The following FAT3 variants were observed in gnomAD, a reference collection of about 807,000 sequenced individuals.
The protein encoded by FAT3 is FAT atypical cadherin 3.
A neutral mutation model predicts 310.2 loss-of-function variants in FAT3; 95 were observed. That is an observed-to-expected ratio of 0.31 (90% CI 0.26 to 0.36). FAT3 has a LOEUF of 0.36. FAT3 is among the 10% of genes least tolerant of loss of function. The pLI is 1.00. For missense variants in FAT3, 5,408 were observed against 5,715.6 expected, an observed-to-expected ratio of 0.95 and a Z score of 1.74; for synonymous variants, 2,314 against 2,192.9, an observed-to-expected ratio of 1.06 and a Z score of -1.54.
At chr11:92,412,053 T>C (rs1342412823) in intron 2 of FAT3, among the ~76,000 whole-genome samples, 3 of 152,118 alleles carry the variant, frequency 2.0e-5, no homozygotes, top group Admixed American at 1.3e-4. Flanking sequence ...TGTGTTGATA[T>C]CTTTACCTCT....
chr11:92,721,879 A>G (rs1944870840), intron 4 of FAT3, among the ~76,000 whole-genome samples: 1 of 152,108 alleles, frequency 6.6e-6, no homozygotes, highest in South Asian at 2.1e-4. Flanking sequence ...ATCAGATCCC[A>G]TGAAACTTAT....
intron 7 of FAT3, among the ~76,000 whole-genome samples, chr11:92,781,237 C>G (rs1436212435): frequency 1.7e-4 from 26 of 151,730 alleles, no homozygotes; most frequent in Admixed American, 1.7e-3. Flanking sequence ...TGCATGCCAC[C>G]ACGCCCGGCT....
At chr11:92,680,898 T>C (rs1214989648) in intron 3 of FAT3, among the ~76,000 whole-genome samples, 1 of 152,226 alleles carries the variant, frequency 6.6e-6, no homozygotes, top group African/African-American at 2.4e-5. Context: ...ACTGTCCTTC[T>C]TGCTAGTTCC....
At chr11:92,671,615 G>C (rs1279479390) in intron 3 of FAT3, among the ~76,000 whole-genome samples, 1 of 151,888 alleles carries the variant, frequency 6.6e-6, no homozygotes, top group Non-Finnish European at 1.5e-5. Flanking sequence ...GCATTCACTA[G>C]TTTTCCTTCA....
chr11:92,752,705 A>G (rs1313873161), intron 4 of FAT3, among the ~76,000 whole-genome samples: 3 of 152,198 alleles, frequency 2.0e-5, no homozygotes, highest in Non-Finnish European at 4.4e-5. Flanking sequence ...GCTTTAATTC[A>G]TTGATATCAC....
intron 3 of FAT3, among the ~76,000 whole-genome samples, chr11:92,574,060 C>T (rs1938334928): frequency 6.6e-6 from 1 of 152,042 alleles, no homozygotes; most frequent in South Asian, 2.1e-4. Flanking sequence ...TGACATGCAT[C>T]GAAATATCAC....
At chr11:92,377,887 G>A (rs751616396) in intron 2 of FAT3, among the ~76,000 whole-genome samples, 3 of 152,154 alleles carry the variant, frequency 2.0e-5, no homozygotes, top group Non-Finnish European at 4.4e-5. Flanking sequence ...CACGTTTTCT[G>A]GGCATCAGCT....
intron 1 of FAT3, among the ~76,000 whole-genome samples, chr11:92,300,341 T>C (rs1306072738): frequency 6.6e-6 from 1 of 152,026 alleles, no homozygotes; most frequent in East Asian, 1.9e-4. Context: ...CCTGTGAGAG[T>C]TTGGGTGTGC....
chr11:92,367,544 TC>T (rs1379003433), intron 2 of FAT3, among the ~76,000 whole-genome samples: 2 of 152,106 alleles, frequency 1.3e-5, no homozygotes, highest in African/African-American at 4.8e-5. Flanking sequence ...CATGGGAAGT[TC>T]ACTTAAGCCT....
At position 92,565,398 on chromosome 11, in the gene FAT3, G is replaced by A. The variant is rs1362138238; in HGVS notation, c.3607+40450G>A. ...TCTGAAATTGTGGCAATAATCAATA[G>A]CTTACCAACCAAAAAGAGTCCAGGA... On this transcript the variant is annotated intron_variant, in intron 3 of 27. Coordinates refer to ENST00000525166, the MANE Select transcript of FAT3 (RefSeq NM_001367949.2). Among the ~76,000 whole-genome samples, 18 of 127,962 alleles carry A rather than the reference G, an allele frequency of 1.4e-4. 1 individual carries two copies. In the East Asian group the frequency reaches 4.0e-3, roughly 29 times the overall value. The allele number at this position is 127,962 out of a possible 152,430, so 83.9% of individuals were successfully genotyped here. A position where few individuals can be genotyped will look rare whatever the true frequency, so the allele number is the denominator to read the frequency against.
chr11:92,668,243 A>T (rs1943018874), intron 3 of FAT3, among the ~76,000 whole-genome samples: 1 of 152,236 alleles, frequency 6.6e-6, no homozygotes, highest in Admixed American at 6.5e-5. Context: ...CAAATATGAC[A>T]TCAATTAATA....
At chr11:92,525,622 C>A (rs1049183423) in intron 3 of FAT3, among the ~76,000 whole-genome samples, 4 of 152,108 alleles carry the variant, frequency 2.6e-5, no homozygotes, top group Non-Finnish European at 5.9e-5. Flanking sequence ...TTTTGCAGAT[C>A]TGAGAGGTTC....
At chr11:92,880,931 C>G (rs1250911419) in intron 23 of FAT3, 47 bp downstream of exon 23, 5 of 1,582,492 alleles carry the variant, frequency 3.2e-6, no homozygotes, top group Non-Finnish European at 4.3e-6. Flanking sequence ...TTCTTTATTG[C>G]TACAACAAAC....
At chr11:92,719,720 C>CTG (rs751825746) in intron 4 of FAT3, among the ~76,000 whole-genome samples, 12,366 of 136,642 alleles carry the variant, frequency 0.09, 523 homozygotes, top group East Asian at 0.11. Context: ...AGAACCAACT[C>CTG]TGTGTGTGTG....
intron 3 of FAT3, among the ~76,000 whole-genome samples, chr11:92,576,464 T>C (rs1489897011): frequency 6.6e-6 from 1 of 152,106 alleles, no homozygotes; most frequent in Non-Finnish European, 1.5e-5. Flanking sequence ...TCGTGTTCAT[T>C]CCCAAGCAGG....
At chr11:92,796,260 T>C (rs150148831) in intron 9 of FAT3, among the ~76,000 whole-genome samples, 175 of 152,376 alleles carry the variant, frequency 1.1e-3, no homozygotes, top group African/African-American at 3.9e-3. Flanking sequence ...CTTTTTATTA[T>C]TGTCATCACA....
intron 1 of FAT3, among the ~76,000 whole-genome samples, chr11:92,306,738 T>G: frequency 8.0e-6 from 1 of 125,042 alleles, no homozygotes; most frequent in Admixed American, 1.1e-4. Context: ...TATATATTTA[T>G]ATATAAATAT....
At chr11:92,230,823 CAAG>C (rs1275968958) in intron 1 of FAT3, among the ~76,000 whole-genome samples, 5 of 152,032 alleles carry the variant, frequency 3.3e-5, no homozygotes, top group South Asian at 2.1e-4. Flanking sequence ...ACAGGAGCCT[CAAG>C]GAGGAGGGAG....
At chr11:92,477,866 AGT>A (rs932031425) in intron 2 of FAT3, among the ~76,000 whole-genome samples, 1 of 152,154 alleles carries the variant, frequency 6.6e-6, no homozygotes, top group African/African-American at 2.4e-5. Flanking sequence ...CTTACACAAG[AGT>A]GTGCTGCAGG....
Sources: allele counts gnomAD v4.1 joint callset (sites outside exome capture counted in the v4.1 genomes callset), GRCh38; gene constraint gnomAD v4.1.1; transcripts MANE v1.5; gene names NCBI Gene and HGNC (gene_info 2026-07-23, HGNC 2026-07-21).